PGAM2: variants seen among roughly 807,000 people sequenced by gnomAD.
PGAM2 encodes phosphoglycerate mutase 2, also known as BPG-dependent PGAM 2.
In PGAM2, 23 loss-of-function variants were observed where a neutral mutation model predicts 22.5. That is an observed-to-expected ratio of 1.02 (90% CI 0.74 to 1.45). The LOEUF (loss-of-function observed/expected upper bound fraction) is 1.45. Among genes scored for constraint, PGAM2 ranks in the 40% most tolerant of loss-of-function variants. The pLI, the probability that PGAM2 is intolerant of heterozygous loss-of-function variation, is 0.00. For missense variants in PGAM2, 349 were observed against 356.2 expected, an observed-to-expected ratio of 0.98 and a Z score of 0.16; for synonymous variants, 133 against 138.6, an observed-to-expected ratio of 0.96 and a Z score of 0.29.
rs1286294957 is a variant in PGAM2, at chr7:44,062,736, A to T, written c.*28T>A. ...GCGCTGGACTCCAGGCTGTTGGGGG[A>T]GGTGCCTTTATTGCCCAAGCCCACC... is the stretch of plus-strand genomic sequence containing the variant. On this transcript the variant is annotated 3_prime_UTR_variant, in exon 3 of 3. Transcript: ENST00000297283. The T allele has an allele frequency of 6.2e-7, 1 of 1,611,714 alleles. No homozygotes were observed. Among genetic ancestry groups the T allele is most frequent in the African/African-American group, 1.3e-5 (1 of 74,892 alleles).
At position 44,065,394 on chromosome 7, in the gene PGAM2, T is replaced by C. The variant is rs769568105; in HGVS notation, c.136A>G (p.Lys46Glu). The C allele has an allele frequency of 7.8e-5, 126 of 1,613,984 alleles. 1 individual carries two copies. In the South Asian group the frequency reaches 1.4e-3, roughly 17 times the overall value. Residue 46 changes from lysine (K) to glutamate (E), a missense_variant, in exon 1 of 3, where the codon AAG becomes GAG. Lys to Glu is a moderately conservative substitution (Grantham distance 56, BLOSUM62 1). Coordinates refer to ENST00000297283, the MANE Select transcript of PGAM2 (RefSeq NM_000290.4). ...EEAKRGAKAIKDAKMEFDICY... is the reference protein window; with the variant it reads ...EEAKRGAKAIEDAKMEFDICY... The stretch of plus-strand genomic sequence containing the variant: ...ATGTCAAACTCCATCTTGGCATCCT[T>C]GATGGCCTTGGCTCCCCGCTTGGCC...
intron 2 of PGAM2, 100 bp from the exon 3 acceptor site, chr7:44,063,030 G>C: frequency 7.8e-7 from 1 of 1,287,542 alleles, no homozygotes; most frequent in Non-Finnish European, 1.1e-6. Flanking sequence ...CAGTTCCCCT[G>C]GCACCAATTC....
At chr7:44,064,800 C>A in intron 2 of PGAM2, 32 bp downstream of exon 2, 2 of 1,231,522 alleles carry the variant, frequency 1.6e-6, no homozygotes, top group East Asian at 2.5e-5. Flanking sequence ...GCTGCCCACC[C>A]ACCCTGCCCA....
chr7:44,063,431 G>T, intron 2 of PGAM2: 1 of 191,674 alleles, frequency 5.2e-6, no homozygotes, highest in Non-Finnish European at 1.1e-5. Context: ...ACAGGTGAGC[G>T]CCACCACACC....
rs1216478577 is a variant in PGAM2, at chr7:44,065,564, G to A, written c.-35C>T. On this transcript the variant is annotated 5_prime_UTR_variant, in exon 1 of 3. Coordinates refer to ENST00000297283, the MANE Select transcript of PGAM2 (RefSeq NM_000290.4). The stretch of plus-strand genomic sequence containing the variant: ...AGGGACCACAGAGGACTCTGGACGG[G>A]GACGGCTGCTTCCCAACACTCCCAG... The A allele has an allele frequency of 1.2e-6, 2 of 1,602,504 alleles. No individual in the cohort carries two copies. The highest frequency in any genetic ancestry group is 1.7e-5 in the Admixed American group (1 of 60,008).
chr7:44,063,025 C>T (rs956937763), intron 2 of PGAM2, 95 bp from the exon 3 acceptor site: 8 of 1,318,646 alleles, frequency 6.1e-6, no homozygotes, highest in South Asian at 1.2e-5. Context: ...AGAGCCAGTT[C>T]CCCTGGCACC....
In PGAM2 at chr7:44,062,884, G is replaced by A. The variant is rs1239826659; in HGVS notation, c.642C>T (p.Ile214=). 1.2e-6 allele frequency: 2 copies of A among 1,614,204 alleles called. No individual in the cohort carries two copies. Among genetic ancestry groups the A allele is most frequent in the Middle Eastern group, 1.6e-4 (1 of 6,062 alleles). ...AIMELNLPTG[I]PIVYELNKEL... is the part of the protein sequence containing the mutation. ...CCTTGTTCAGCTCATACACAATGGG[G>A]ATCCCCGTGGGCAGGTTCAGCTCCA... Residue 214 remains isoleucine, a synonymous_variant, in exon 3 of 3, where the codon ATC becomes ATT. Transcript: ENST00000297283.
intron 2 of PGAM2, 39 bp downstream of exon 2, chr7:44,064,793 G>GGGCCCCCCCCCCCCCCCCCCCCC: frequency 8.8e-7 from 1 of 1,136,970 alleles, no homozygotes; most frequent in East Asian, 2.5e-5. Flanking sequence ...TGGGGCTGCT[G>GGGCCCCCCCCCCCCCCCCCCCCC]CCCACCCACC....
chr7:44,065,359 C>G lies in PGAM2; in HGVS notation c.171G>C (p.Thr57=). The stretch of plus-strand genomic sequence containing the variant: ...TGCGGATGGCCCGCTTCAGCACTGA[C>G]GTGTAGCAGATGTCAAACTCCATCT... ...DAKMEFDICY[T]SVLKRAIRTL... The change falls in exon 1 of 3, where the codon ACG becomes ACC. Residue 57 remains threonine, a synonymous_variant. Coordinates refer to ENST00000297283, the MANE Select transcript of PGAM2 (RefSeq NM_000290.4). 1 of 1,613,920 alleles carries G rather than the reference C, an allele frequency of 6.2e-7. No individual in the cohort carries two copies. The highest frequency in any genetic ancestry group is 8.5e-7 in the Non-Finnish European group (1 of 1,180,036).
Position 44,064,843 on chromosome 7 carries a change from T to C in PGAM2, c.584A>G (p.Lys195Arg), listed in dbSNP as rs754849558. ...AHGNSLRGIV[K>R]HLEGMSDQAI... is the part of the protein sequence containing the mutation. ...GAAGGTGGCCTCACCTTCCAGGTGC[T>C]TGACAATGCCCCGCAGGCTGTTCCC... The change falls in exon 2 of 3, where the codon AAG becomes AGG. Residue 195 changes from lysine (K) to arginine (R), a missense_variant. Transcript: ENST00000297283. The C allele has an allele frequency of 1.4e-5, 19 of 1,337,700 alleles. No individual in the cohort carries two copies. Among genetic ancestry groups the C allele is most frequent in the Non-Finnish European group, 1.7e-5 (17 of 1,001,660 alleles). The allele number at this position is 1,337,700 out of a possible 1,614,324, so 82.9% of individuals were successfully genotyped here. A position where few individuals can be genotyped will look rare whatever the true frequency, so the allele number is the denominator to read the frequency against.
rs1348964275 is a variant in PGAM2, at chr7:44,064,903, ATCTGGGGAACAATCTCC to A, written c.507_523del (p.Glu169AspfsTer45). On this transcript the variant is annotated frameshift_variant, in exon 2 of 3. Coordinates refer to ENST00000297283, the MANE Select transcript of PGAM2 (RefSeq NM_000290.4). LOFTEE classifies it high-confidence loss of function. ...AATGAGCACTCGCTTGCCGGCCTTG[ATCTGGGGAACAATCTCC>A]TCGTTCCAGAAGGGCAGGGCCCGGG... 3.1e-6 allele frequency: 5 copies of A among 1,609,668 alleles called. No individual in the cohort carries two copies. In the East Asian group the frequency reaches 1.1e-4, roughly 36 times the overall value.
In PGAM2 at chr7:44,065,557, T is replaced by C. The variant is rs2096158455; in HGVS notation, c.-28A>G. 15 of 1,609,978 alleles carry C rather than the reference T, an allele frequency of 9.3e-6. No individual in the cohort carries two copies. Among genetic ancestry groups the C allele is most frequent in the African/African-American group, 1.3e-5 (1 of 74,864 alleles). ...TGGCAGCAGGGACCACAGAGGACTC[T>C]GGACGGGGACGGCTGCTTCCCAACA... On this transcript the variant is annotated 5_prime_UTR_variant, in exon 1 of 3. Coordinates refer to ENST00000297283, the MANE Select transcript of PGAM2 (RefSeq NM_000290.4).
At chr7:44,062,996 T>C (rs547230909) in intron 2 of PGAM2, 66 bp from the exon 3 acceptor site, 10 of 1,546,218 alleles carry the variant, frequency 6.5e-6, no homozygotes, top group Middle Eastern at 1.7e-4. Flanking sequence ...GCAGACACTA[T>C]GTGACCTTTA....
At chr7:44,063,263 G>T in intron 2 of PGAM2, 5 of 344,232 alleles carry the variant, frequency 1.5e-5, no homozygotes, top group South Asian at 6.4e-5. Flanking sequence ...CTCACCCTTT[G>T]TTTTTTTTTT....
Position 44,065,465 on chromosome 7 carries a change from A to T in PGAM2, c.65T>A (p.Phe22Tyr). ...GESTWNQENR[F>Y]CGWFDAELSE... is the part of the protein sequence containing the mutation. ...CAGCTCTGCATCGAACCAGCCACAGAAACGGTTCTCCTGGTTCCATGTGCT... is the reference window on the plus strand; with the variant it reads ...CAGCTCTGCATCGAACCAGCCACAGTAACGGTTCTCCTGGTTCCATGTGCT... The change falls in exon 1 of 3, where the codon TTC becomes TAC. Residue 22 changes from phenylalanine (F) to tyrosine (Y), a missense_variant. Physicochemically the swap from Phe to Tyr is conservative, Grantham distance 22 (BLOSUM62 3). Transcript: ENST00000297283. 6.2e-7 allele frequency: 1 copy of T among 1,614,116 alleles called. No individual in the cohort carries two copies. Among genetic ancestry groups the T allele is most frequent in the South Asian group, 1.1e-5 (1 of 91,080 alleles).
chr7:44,064,902 G>A lies in PGAM2; in HGVS notation c.525C>T (p.Ile175=), dbSNP rs369973782. 1 of 1,611,240 alleles carries A rather than the reference G, an allele frequency of 6.2e-7. No individual in the cohort carries two copies. Among genetic ancestry groups the A allele is most frequent in the African/African-American group, 1.3e-5 (1 of 74,880 alleles). ...CAATGAGCACTCGCTTGCCGGCCTT[G>A]ATCTGGGGAACAATCTCCTCGTTCC... The part of the protein sequence containing the change: ...PFWNEEIVPQ[I]KAGKRVLIAA... Residue 175 remains isoleucine, a synonymous_variant, in exon 2 of 3, where the codon ATC becomes ATT. Coordinates refer to ENST00000297283, the MANE Select transcript of PGAM2 (RefSeq NM_000290.4).
At chr7:44,063,066 C>T in intron 2 of PGAM2, 136 bp from the exon 3 acceptor site, 1 of 932,570 alleles carries the variant, frequency 1.1e-6, no homozygotes. Flanking sequence ...AACGAGGCCA[C>T]AGAAATGTTG....
At chr7:44,064,574 A>AC (rs1379326543) in intron 2 of PGAM2, 2 of 535,714 alleles carry the variant, frequency 3.7e-6, no homozygotes, top group Non-Finnish European at 6.7e-6. Flanking sequence ...GGCAGATGCC[A>AC]CCTTTGGAGC....
At chr7:44,064,622 T>C in intron 2 of PGAM2, 1 of 596,008 alleles carries the variant, frequency 1.7e-6, no homozygotes, top group Non-Finnish European at 3.0e-6. Flanking sequence ...TCGAGTGCAG[T>C]CAGCCCCTGT....
Sources: allele counts gnomAD v4.1 joint callset, GRCh38; gene constraint gnomAD v4.1.1; transcripts MANE v1.5; gene names NCBI Gene and HGNC (gene_info 2026-07-23, HGNC 2026-07-21).